SLC60A1: variants seen among roughly 807,000 people sequenced by gnomAD.
The protein encoded by SLC60A1 is solute carrier family 60 member 1, also known as major facilitator superfamily domain containing 4.
the SLC60A1 span, among the ~76,000 whole-genome samples, chr1:205,590,516 G>A: frequency 1.3e-5 from 2 of 152,126 alleles, no homozygotes; most frequent in Non-Finnish European, 2.9e-5. Flanking sequence ...TCTGAGCCTC[G>A]AGACCACCTT....
At chr1:205,588,352 C>G in the SLC60A1 span, among the ~76,000 whole-genome samples, 2 of 151,764 alleles carry the variant, frequency 1.3e-5, no homozygotes, top group Non-Finnish European at 2.9e-5. Flanking sequence ...TGCCTGTAAT[C>G]CCAACTACTC....
the SLC60A1 span, among the ~76,000 whole-genome samples, chr1:205,575,960 A>C: frequency 2.0e-5 from 3 of 152,096 alleles, no homozygotes; most frequent in Admixed American, 6.5e-5. Context: ...GGGAGCCAAG[A>C]CTTTGGATCC....
At chr1:205,588,863 G>T in the SLC60A1 span, among the ~76,000 whole-genome samples, 1 of 152,118 alleles carries the variant, frequency 6.6e-6, no homozygotes, top group African/African-American at 2.4e-5. Flanking sequence ...GGGAGCTTAC[G>T]GCCGGCCAGA....
chr1:205,596,817 G>C, the SLC60A1 span, among the ~76,000 whole-genome samples: 1 of 152,156 alleles, frequency 6.6e-6, no homozygotes, highest in African/African-American at 2.4e-5. Context: ...AGTTTACTGT[G>C]TGCCAGTCCT....
At chr1:205,585,067 AAG>A in the SLC60A1 span, 1 of 1,274,844 alleles carries the variant, frequency 7.8e-7, no homozygotes, top group Non-Finnish European at 1.1e-6. The surrounding 1 kb of genome is among the most constrained non-coding windows in gnomAD (Gnocchi z 4.2). Context: ...AGGCAAGAGA[AAG>A]AGAGGAGCAT....
chr1:205,574,754 G>A, the SLC60A1 span, among the ~76,000 whole-genome samples: 1 of 152,122 alleles, frequency 6.6e-6, no homozygotes, highest in African/African-American at 2.4e-5. Context: ...TTGAGGGAGA[G>A]GTGTTCCAAG....
At chr1:205,578,659 G>A in the SLC60A1 span, among the ~76,000 whole-genome samples, 1 of 152,200 alleles carries the variant, frequency 6.6e-6, no homozygotes, top group Non-Finnish European at 1.5e-5. Context: ...GAAGCTCTGG[G>A]AAGACAGCCT....
At chr1:205,588,867 G>A in the SLC60A1 span, among the ~76,000 whole-genome samples, 14 of 152,146 alleles carry the variant, frequency 9.2e-5, no homozygotes, top group Non-Finnish European at 1.6e-4. Flanking sequence ...GCTTACGGCC[G>A]GCCAGAGGAG....
the SLC60A1 span, among the ~76,000 whole-genome samples, chr1:205,582,579 A>G: frequency 6.6e-6 from 1 of 152,140 alleles, no homozygotes; most frequent in Non-Finnish European, 1.5e-5. Context: ...CTGAGCGATC[A>G]CGCCTCTTGT....
chr1:205,589,954 G>A, the SLC60A1 span, among the ~76,000 whole-genome samples: 1 of 152,230 alleles, frequency 6.6e-6, no homozygotes, highest in Non-Finnish European at 1.5e-5. Context: ...TGACCCAGGT[G>A]TGGGAGGTAA....
the SLC60A1 span, among the ~76,000 whole-genome samples, chr1:205,575,112 A>C: frequency 3.3e-5 from 5 of 152,086 alleles, no homozygotes; most frequent in African/African-American, 1.2e-4. Context: ...AGCCTGCCCT[A>C]GCTCCCAGGG....
the SLC60A1 span, chr1:205,600,132 C>T: frequency 2.7e-6 from 1 of 366,372 alleles, no homozygotes; most frequent in Non-Finnish European, 5.0e-6. Flanking sequence ...GACCTACATT[C>T]AATTAATATT....
At chr1:205,578,974 C>G in the SLC60A1 span, among the ~76,000 whole-genome samples, 1 of 152,162 alleles carries the variant, frequency 6.6e-6, no homozygotes, top group East Asian at 1.9e-4. Flanking sequence ...CTTGACAGAG[C>G]CTTAGACACT....
chr1:205,590,001 G>C, the SLC60A1 span, among the ~76,000 whole-genome samples: 2 of 152,204 alleles, frequency 1.3e-5, no homozygotes, highest in South Asian at 2.1e-4. Context: ...CACAGGACTT[G>C]AGCAACTGCA....
At chr1:205,598,926 C>A in the SLC60A1 span, 3 of 635,068 alleles carry the variant, frequency 4.7e-6, no homozygotes, top group South Asian at 5.8e-5. Flanking sequence ...CCAGTCCCTG[C>A]CTTAGAGCAG....
the SLC60A1 span, among the ~76,000 whole-genome samples, chr1:205,573,248 TAA>T: frequency 6.7e-6 from 1 of 149,718 alleles, no homozygotes; most frequent in East Asian, 2.0e-4. Context: ...CCATCTCTAC[TAA>T]AAAAAAAACA....
the SLC60A1 span, among the ~76,000 whole-genome samples, chr1:205,569,548 T>A: frequency 6.9e-6 from 1 of 144,592 alleles, no homozygotes. Flanking sequence ...GACTTCTGGC[T>A]TATTTATTTG....
At chr1:205,580,038 C>A in the SLC60A1 span, 6 of 1,371,798 alleles carry the variant, frequency 4.4e-6, no homozygotes, top group South Asian at 6.9e-5. This position sits in a 1 kb window ranked among gnomAD's most constrained non-coding sequence, Gnocchi z 5.0. Flanking sequence ...CCTCCTCCCC[C>A]AGGGGCCCAC....
the SLC60A1 span, chr1:205,580,548 G>A: frequency 7.3e-7 from 1 of 1,368,412 alleles, no homozygotes; most frequent in Non-Finnish European, 1.0e-6. This position sits in a 1 kb window ranked among gnomAD's most constrained non-coding sequence, Gnocchi z 5.0. Context: ...GGCAGAGGGT[G>A]GGGCTGGGGG....
Sources: gnomAD v4.1 joint callset for allele counts (sites outside exome capture counted in the v4.1 genomes callset) on GRCh38, gnomAD v4.1.1 for gene constraint, Gnocchi (gnomAD v3.1) non-coding constraint, MANE v1.5 for transcripts, NCBI Gene and HGNC (gene_info 2026-07-23, HGNC 2026-07-21) for gene names.